NAALADL2: variants seen among roughly 807,000 people sequenced by gnomAD.
The protein encoded by NAALADL2 is inactive N-acetylated-alpha-linked acidic dipeptidase-like protein 2.
In NAALADL2, 76 loss-of-function variants were observed where a neutral mutation model predicts 87.2. The ratio of observed to expected loss-of-function variants is 0.87; its 90% CI spans 0.72 to 1.05. The LOEUF is 1.05. NAALADL2 is among the 50% of genes least tolerant of loss of function. The pLI is 0.00. For synonymous variants in NAALADL2, 354 were observed against 331.0 expected, an observed-to-expected ratio of 1.07 and a Z score of -0.75; for missense variants, 1,089 against 945.8, an observed-to-expected ratio of 1.15 and a Z score of -1.99.
intron 9 of NAALADL2, among the ~76,000 whole-genome samples, chr3:175,561,691 C>A (rs1716298013): frequency 6.6e-6 from 1 of 152,036 alleles, no homozygotes; most frequent in South Asian, 2.1e-4. Context: ...CATGCCAGCC[C>A]TACCAGATTA....
At chr3:175,131,588 C>A (rs1393257136) in intron 2 of NAALADL2, among the ~76,000 whole-genome samples, 1 of 152,164 alleles carries the variant, frequency 6.6e-6, no homozygotes, top group Admixed American at 6.5e-5. Flanking sequence ...ATCTTTTCCC[C>A]GCCTTTCCCC....
At chr3:175,439,976 A>G (rs1204373647) in intron 5 of NAALADL2, among the ~76,000 whole-genome samples, 2 of 152,080 alleles carry the variant, frequency 1.3e-5, no homozygotes, top group Non-Finnish European at 2.9e-5. Flanking sequence ...CAGTGTCTAG[A>G]AGGGTTTTTT....
chr3:175,283,962 T>G (rs1275255349), intron 4 of NAALADL2, among the ~76,000 whole-genome samples: 1 of 147,556 alleles, frequency 6.8e-6, no homozygotes, highest in South Asian at 2.1e-4. Context: ...TTCTATTTGC[T>G]TTTTATAAAC....
chr3:175,376,717 A>G (rs952274674), intron 5 of NAALADL2, among the ~76,000 whole-genome samples: 21 of 152,166 alleles, frequency 1.4e-4, no homozygotes, highest in African/African-American at 4.8e-4. Flanking sequence ...TCCTTCCCCC[A>G]TTTGAAAGTC....
rs985480764 is a variant in NAALADL2, at chr3:174,669,750, GA to G, written c.-114-67890del. Among the ~76,000 whole-genome samples the G allele has an allele frequency of 1.2e-4, 18 of 151,948 alleles. 1 individual carries two copies. Among genetic ancestry groups the G allele is most frequent in the African/African-American group, 4.3e-4 (18 of 41,494 alleles). ...TCTTGAGATTACATATGAATTGTAGGATTTTTTTTCTATTTTTGCAAAAAAT... is the reference window on the plus strand; with the variant it reads ...TCTTGAGATTACATATGAATTGTAGGTTTTTTTTCTATTTTTGCAAAAAAT... On this transcript the variant is annotated intron_variant, in intron 2 of 3. Coordinates refer to the NAALADL2 transcript ENST00000434257.
chr3:175,713,821 G>T (rs997312918), intron 11 of NAALADL2, among the ~76,000 whole-genome samples: 8 of 151,882 alleles, frequency 5.3e-5, no homozygotes, highest in African/African-American at 1.9e-4. Flanking sequence ...ATGGTGGTTT[G>T]CTACACCCAT....
intron 5 of NAALADL2, among the ~76,000 whole-genome samples, chr3:175,430,477 A>T (rs560037765): frequency 1.3e-5 from 2 of 151,980 alleles, no homozygotes; most frequent in South Asian, 4.1e-4. Flanking sequence ...GGAATATTTC[A>T]TCTTTTTGTT....
chr3:175,355,106 T>G (rs1764217437), intron 5 of NAALADL2, among the ~76,000 whole-genome samples: 1 of 151,218 alleles, frequency 6.6e-6, no homozygotes, highest in Non-Finnish European at 1.5e-5. Flanking sequence ...TCTTGCCCTG[T>G]CGCCCAGGCT....
intron 2 of NAALADL2, among the ~76,000 whole-genome samples, chr3:174,714,627 T>C (rs565965024): frequency 6.6e-6 from 1 of 152,314 alleles, no homozygotes; most frequent in African/African-American, 2.4e-5. Context: ...GGAATGCTTG[T>C]GATTTTTGCA....
At chr3:174,690,869 G>A (rs898316248) in intron 2 of NAALADL2, among the ~76,000 whole-genome samples, 7 of 152,270 alleles carry the variant, frequency 4.6e-5, no homozygotes, top group African/African-American at 1.4e-4. Context: ...TAGCGTGTGT[G>A]TATGTGTGTG....
rs148383243 is a variant in NAALADL2 at position 175,661,845 on chromosome 3, G to T, written c.1896+34459G>T. Among the ~76,000 whole-genome samples, 235 of 152,040 alleles carry T rather than the reference G, an allele frequency of 1.5e-3. 1 individual carries two copies. The highest frequency in any genetic ancestry group is 5.3e-3 in the African/African-American group (219 of 41,512). The stretch of plus-strand genomic sequence containing the variant: ...CTGGGTTCTCTATGCTGTTCCATTG[G>T]TCTGTGGGTCCGTTTTTATGCCAGT... On this transcript the variant is annotated intron_variant, in intron 11 of 13. Transcript: ENST00000454872.
intron 9 of NAALADL2, among the ~76,000 whole-genome samples, chr3:175,564,784 C>T (rs1291234104): frequency 6.6e-6 from 1 of 152,138 alleles, no homozygotes; most frequent in Admixed American, 6.5e-5. Context: ...GGCCAAAGGT[C>T]AAGATGGATG....
chr3:175,564,390 TA>T (rs1716778725), intron 9 of NAALADL2, among the ~76,000 whole-genome samples: 1 of 149,490 alleles, frequency 6.7e-6, no homozygotes, highest in Non-Finnish European at 1.5e-5. Flanking sequence ...AGATTTAATT[TA>T]AATATTTCAT....
intron 1 of NAALADL2, among the ~76,000 whole-genome samples, chr3:174,860,583 T>G (rs1579241941): frequency 6.6e-6 from 1 of 152,226 alleles, no homozygotes; most frequent in South Asian, 2.1e-4. Context: ...AGCCTCTAGT[T>G]TGTTCCAATT....
intron 2 of NAALADL2, chr3:174,550,876 A>G (rs1712036348): frequency 1.3e-5 from 2 of 152,084 alleles, no homozygotes; most frequent in African/African-American, 4.8e-5. Flanking sequence ...CATAAAATGT[A>G]TGTGATAAAG....
intron 2 of NAALADL2, among the ~76,000 whole-genome samples, chr3:174,625,960 T>A (rs933417411): frequency 1.3e-5 from 2 of 152,084 alleles, no homozygotes; most frequent in African/African-American, 4.8e-5. Context: ...TCATTTATGC[T>A]TTTACATAGT....
intron 1 of NAALADL2, among the ~76,000 whole-genome samples, chr3:174,545,263 G>A (rs1017266813): frequency 1.3e-5 from 2 of 152,084 alleles, no homozygotes; most frequent in African/African-American, 4.8e-5. Context: ...GCCTGATAAT[G>A]TTCCTGTTGT....
At chr3:174,779,954 G>C (rs1246982425) in intron 3 of NAALADL2, among the ~76,000 whole-genome samples, 2 of 152,050 alleles carry the variant, frequency 1.3e-5, no homozygotes, top group African/African-American at 2.4e-5. Flanking sequence ...TGGCTATACA[G>C]GTTCTTTTTT....
At chr3:175,270,368 A>T (rs1752640703) in intron 4 of NAALADL2, among the ~76,000 whole-genome samples, 1 of 152,208 alleles carries the variant, frequency 6.6e-6, no homozygotes, top group Non-Finnish European at 1.5e-5. Flanking sequence ...ATCAACTAGT[A>T]GGTTGGATAT....
Sources: gnomAD v4.1 joint callset for allele counts (sites outside exome capture counted in the v4.1 genomes callset) on GRCh38, gnomAD v4.1.1 for gene constraint, MANE v1.5 for transcripts, NCBI Gene and HGNC (gene_info 2026-07-23, HGNC 2026-07-21) for gene names.